TUT4: variants seen among roughly 807,000 people sequenced by gnomAD.
The protein encoded by TUT4 is terminal uridylyl transferase 4.
TUT4 carries 36 observed loss-of-function variants against 192.2 expected under a neutral mutation model. The observed-to-expected ratio is 0.19, with a 90% confidence interval of 0.14 to 0.25. The LOEUF (loss-of-function observed/expected upper bound fraction) is 0.25, where lower values mean the gene tolerates loss of function less well. Ranked by LOEUF, TUT4 falls within the 10% of genes least tolerant of loss-of-function variation. The pLI is 1.00. For synonymous variants in TUT4, 618 were observed against 666.0 expected, an observed-to-expected ratio of 0.93 and a Z score of 1.11; for missense variants, 1,493 against 1,957.2, an observed-to-expected ratio of 0.76 and a Z score of 4.47.
intron 16 of TUT4, chr1:52,463,608 C>T (rs902287352): frequency 7.7e-7 from 1 of 1,293,756 alleles, no homozygotes; most frequent in African/African-American, 1.5e-5. Flanking sequence ...TGCAAACAGT[C>T]CCGCATTTTG....
At chr1:52,449,776 C>T (rs1364628894) in intron 20 of TUT4, among the ~76,000 whole-genome samples, 1 of 152,126 alleles carries the variant, frequency 6.6e-6, no homozygotes, top group African/African-American at 2.4e-5. Context: ...ACTATTACTT[C>T]CCATTTCTCC....
At chr1:52,459,285 CAAAA>C (rs1056173336) in intron 19 of TUT4, among the ~76,000 whole-genome samples, 1 of 130,682 alleles carries the variant, frequency 7.7e-6, no homozygotes. Flanking sequence ...GACTCCGTCT[CAAAA>C]AAAAAAAAGA....
Position 52,525,825 on chromosome 1 carries a change from T to C in TUT4, c.456A>G (p.Lys152=). 1 of 1,614,214 alleles carries C rather than the reference T, an allele frequency of 6.2e-7. No homozygotes were observed. Among genetic ancestry groups the C allele is most frequent in the East Asian group, 2.2e-5 (1 of 44,878 alleles). ...CTGCTTCTGCTGGTGAACTTGGTACTTTTTCTGACTTCATCTGATAACTGG... is the reference window on the plus strand; with the variant it reads ...CTGCTTCTGCTGGTGAACTTGGTACCTTTTCTGACTTCATCTGATAACTGG... ...KASSYQMKSE[K]VPSSPAEAEK... is the part of the protein sequence containing the mutation. The change falls in exon 2 of 30, where the codon AAA becomes AAG. Residue 152 remains lysine, a synonymous_variant. Coordinates refer to ENST00000257177, the MANE Select transcript of TUT4 (RefSeq NM_001009881.3).
intron 1 of TUT4, among the ~76,000 whole-genome samples, chr1:52,531,568 T>G (rs835036): frequency 3.9e-5 from 6 of 151,972 alleles, no homozygotes; most frequent in Non-Finnish European, 7.4e-5. Context: ...TAATACAAAG[T>G]AGGCACCCAA....
chr1:52,461,579 C>G lies in TUT4; in HGVS notation c.3165G>C (p.Val1055=). Residue 1055 remains valine (V), a synonymous_variant, in exon 18 of 30, where the codon GTG becomes GTC. Transcript: ENST00000257177. ...GCCTGTGTTCAAATTTTACTATAGG[C>G]ACTTTGGCAGTAGTTATAGGCAAAA... ...RNILPITTAK[V]PIVKFEHRRS... is the part of the protein sequence containing the mutation. 6.2e-7 allele frequency: 1 copy of G among 1,612,642 alleles called. No individual in the cohort carries two copies. The highest frequency in any genetic ancestry group is 1.1e-5 in the South Asian group (1 of 90,904).
intron 1 of TUT4, chr1:52,538,459 T>C (rs1240786908): frequency 6.6e-6 from 1 of 151,036 alleles, no homozygotes; most frequent in Non-Finnish European, 1.5e-5. Flanking sequence ...GTCCAGGAGT[T>C]TTAGACCAGC....
chr1:52,452,119 A>T (rs1025546160), intron 20 of TUT4, among the ~76,000 whole-genome samples: 25 of 151,936 alleles, frequency 1.6e-4, no homozygotes, highest in African/African-American at 5.8e-4. Context: ...CAAGGCCAGC[A>T]TTACCCTAAT....
intron 13 of TUT4, among the ~76,000 whole-genome samples, chr1:52,472,568 T>A (rs1163443065): frequency 6.6e-6 from 1 of 150,822 alleles, no homozygotes; most frequent in Non-Finnish European, 1.5e-5. Flanking sequence ...ATTAAACTAA[T>A]TTATTATTAA....
chr1:52,455,215 T>C (rs947439163), intron 20 of TUT4, among the ~76,000 whole-genome samples: 3 of 152,104 alleles, frequency 2.0e-5, no homozygotes, highest in Non-Finnish European at 2.9e-5. Context: ...GCTCAGGAAG[T>C]GGAGGTTGCA....
intron 24 of TUT4, among the ~76,000 whole-genome samples, chr1:52,444,800 G>A (rs1465393302): frequency 6.6e-6 from 1 of 150,908 alleles, no homozygotes; most frequent in African/African-American, 2.4e-5. Flanking sequence ...TTCAATTTTG[G>A]GACTTGGACT....
chr1:52,513,398 A>G (rs1274545925), intron 3 of TUT4, among the ~76,000 whole-genome samples: 1 of 148,688 alleles, frequency 6.7e-6, no homozygotes, highest in Non-Finnish European at 1.5e-5. Context: ...TGTCTCAAAA[A>G]AAAAAAAAAA....
At chr1:52,434,135 T>G (rs2148210962) in intron 27 of TUT4, 1 of 152,342 alleles carries the variant, frequency 6.6e-6, no homozygotes, top group East Asian at 1.9e-4. Context: ...TATTGTTGTT[T>G]ATGAAAGTAT....
chr1:52,548,744 G>A (rs1203812348), intron 1 of TUT4, among the ~76,000 whole-genome samples: 2 of 152,144 alleles, frequency 1.3e-5, no homozygotes, highest in Admixed American at 1.3e-4. Context: ...TTGTTGTGTG[G>A]TTAACAAACA....
At chr1:52,538,621 T>G (rs1571438958) in intron 1 of TUT4, 1 of 121,076 alleles carries the variant, frequency 8.3e-6, no homozygotes, top group Admixed American at 1.1e-4. Context: ...CACTCCAGCC[T>G]AGGCAACAGA....
At chr1:52,541,768 G>A (rs547633147) in intron 1 of TUT4, among the ~76,000 whole-genome samples, 3 of 152,230 alleles carry the variant, frequency 2.0e-5, no homozygotes, top group African/African-American at 4.8e-5. Flanking sequence ...GTATTTCAAT[G>A]AGCACACTCA....
At chr1:52,528,482 C>G (rs186072836) in intron 1 of TUT4, among the ~76,000 whole-genome samples, 11 of 145,558 alleles carry the variant, frequency 7.6e-5, no homozygotes, top group African/African-American at 2.9e-4. Context: ...CAGAGTGAGA[C>G]CCTGTCTCAA....
intron 14 of TUT4, among the ~76,000 whole-genome samples, chr1:52,471,690 T>C (rs981921451): frequency 6.6e-6 from 1 of 152,212 alleles, no homozygotes; most frequent in Non-Finnish European, 1.5e-5. Flanking sequence ...AAAAGCCACA[T>C]AGGCTAGAAG....
intron 7 of TUT4, among the ~76,000 whole-genome samples, chr1:52,492,864 A>G (rs1194810513): frequency 6.6e-6 from 1 of 152,238 alleles, no homozygotes; most frequent in African/African-American, 2.4e-5. Flanking sequence ...CTGATGTAAT[A>G]TAAATGATTA....
chr1:52,453,828 A>G lies in TUT4; in HGVS notation c.3435+4508T>C, dbSNP rs572405223. On this transcript the variant is annotated intron_variant, in intron 20 of 29. Transcript: ENST00000257177. ...CTGTTCACATATGACATGATAATCCATGCATAAAATCCAAATTGAAACAAT... is the reference window on the plus strand; with the variant it reads ...CTGTTCACATATGACATGATAATCCGTGCATAAAATCCAAATTGAAACAAT... 3.3e-5 allele frequency among the ~76,000 whole-genome samples: 5 copies of G among 152,350 alleles called. No individual in the cohort carries two copies. The East Asian group carries it at 9.6e-4, about 29-fold the overall frequency.
Sources: allele counts gnomAD v4.1 joint callset (sites outside exome capture counted in the v4.1 genomes callset), GRCh38; gene constraint gnomAD v4.1.1; transcripts MANE v1.5; gene names NCBI Gene and HGNC (gene_info 2026-07-23, HGNC 2026-07-21).